DNER: variants seen among roughly 807,000 people sequenced by gnomAD.
DNER encodes delta and Notch-like epidermal growth factor-related receptor.
Under a neutral mutation model 78.2 loss-of-function variants are expected in DNER, and 33 were observed. The observed-to-expected ratio is 0.42, with a 90% CI of 0.32 to 0.56. The LOEUF (loss-of-function observed/expected upper bound fraction) is 0.56. Among genes scored for constraint, DNER ranks in the 20% least tolerant of loss-of-function variants. The probability of loss-of-function intolerance (pLI) is 0.11; values close to 1 mark genes in which losing one functional copy is unlikely to be tolerated. For missense variants in DNER, 918 were observed against 975.3 expected (o/e 0.94, Z 0.78); for synonymous variants, 417 against 384.8 (o/e 1.08, Z -0.98).
In DNER at chr2:229,433,142, G is replaced by A. The variant is rs13394098; in HGVS notation, c.1486+14174C>T. On this transcript the variant is annotated intron_variant, in intron 8 of 12. Transcript: ENST00000341772. ...TTTAGGAGAGACAGGGTTTCACCAT[G>A]TTGGTCAGGCTGGTCTCGAACTCCT... Among the ~76,000 whole-genome samples, 349 of 152,296 alleles carry A rather than the reference G, an allele frequency of 2.3e-3. 2 individuals carry two copies. The highest frequency in any genetic ancestry group is 6.6e-3 in the South Asian group (32 of 4,824).
chr2:229,639,132 G>C (rs1378609519), intron 1 of DNER, among the ~76,000 whole-genome samples: 1 of 152,170 alleles, frequency 6.6e-6, no homozygotes, highest in Non-Finnish European at 1.5e-5. Context: ...ATACCATGTG[G>C]ACTCAAAGAA....
Position 229,493,115 on chromosome 2 carries a change from A to C in DNER, c.1148-15862T>G, listed in dbSNP as rs148887904. Among the ~76,000 whole-genome samples, 918 of 152,312 alleles carry C rather than the reference A, an allele frequency of 6.0e-3. 6 individuals carry two copies. The highest frequency in any genetic ancestry group is 0.011 in the Non-Finnish European group (748 of 68,034). ...TGACCCATTTCAAACCAACAACGCA[A>C]AGGCACTGACACTTAGTCAGTGTGC... On this transcript the variant is annotated intron_variant, in intron 6 of 12. Coordinates refer to ENST00000341772, the MANE Select transcript of DNER (RefSeq NM_139072.4).
In DNER at chr2:229,714,240, G is replaced by C; in HGVS notation, c.184C>G (p.Arg62Gly). The C allele has an allele frequency of 1.4e-6, 2 of 1,418,158 alleles. No homozygotes were observed. The highest frequency in any genetic ancestry group is 5.6e-5 in the Admixed American group (2 of 35,774). 87.8% of individuals were successfully genotyped at this position (1,418,158 alleles called of 1,614,324 possible). A position where few individuals can be genotyped will look rare whatever the true frequency, so the allele number is the denominator to read the frequency against. The change falls in exon 1 of 13, where the codon CGC (arginine) becomes GGC (glycine). Residue 62 changes from arginine to glycine, a missense_variant. Coordinates refer to ENST00000341772, the MANE Select transcript of DNER (RefSeq NM_139072.4). ...GGGTGCTGCGGGTCCGGCTCAGGGC[G>C]CGAGGTGCACACACCCCCATTCCGG... ...PCRNGGVCTS[R>G]PEPDPQHPAP...
chr2:229,550,054 A>G (rs1006711562), intron 4 of DNER, among the ~76,000 whole-genome samples: 2 of 151,818 alleles, frequency 1.3e-5, no homozygotes, highest in Non-Finnish European at 2.9e-5. Context: ...CTGCAGCGGC[A>G]TAATCTTGGT....
chr2:229,464,154 C>CA (rs1694756842), intron 7 of DNER, among the ~76,000 whole-genome samples: 1 of 152,098 alleles, frequency 6.6e-6, no homozygotes, highest in African/African-American at 2.4e-5. Context: ...GGGTTTTGGC[C>CA]AGTGTGTATG....
chr2:229,682,929 A>G (rs1020556180), intron 1 of DNER, among the ~76,000 whole-genome samples: 1 of 152,228 alleles, frequency 6.6e-6, no homozygotes, highest in Non-Finnish European at 1.5e-5. Flanking sequence ...GTTATCAGCA[A>G]GGGTTATTGC....
At chr2:229,627,852 T>C (rs1559187732) in intron 1 of DNER, among the ~76,000 whole-genome samples, 1 of 152,222 alleles carries the variant, frequency 6.6e-6, no homozygotes. Flanking sequence ...AAATTGCATC[T>C]ATAGCCCCAG....
At chr2:229,402,393 A>T (rs557944933) in intron 10 of DNER, among the ~76,000 whole-genome samples, 2 of 152,364 alleles carry the variant, frequency 1.3e-5, no homozygotes, top group South Asian at 4.1e-4. Context: ...AAAGATGCTG[A>T]GCATCAAAGA....
At chr2:229,458,666 C>A (rs1038267940) in intron 7 of DNER, among the ~76,000 whole-genome samples, 2 of 151,458 alleles carry the variant, frequency 1.3e-5, no homozygotes, top group African/African-American at 2.4e-5. Flanking sequence ...TGGCTAATAT[C>A]ATACTCAATG....
intron 8 of DNER, among the ~76,000 whole-genome samples, chr2:229,421,503 A>G (rs1255926418): frequency 6.7e-6 from 1 of 150,092 alleles, no homozygotes; most frequent in Non-Finnish European, 1.5e-5. Flanking sequence ...ACAGATATAT[A>G]TTTTACCACT....
At position 229,366,858 on chromosome 2, in the gene DNER, G is replaced by A. The variant is rs373612462; in HGVS notation, c.2102+15C>T. The A allele has an allele frequency of 2.4e-4, 394 of 1,613,614 alleles. No homozygotes were observed. Among genetic ancestry groups the A allele is most frequent in the South Asian group, 9.2e-4 (84 of 91,040 alleles). On this transcript the variant is annotated intron_variant, in intron 12 of 12. Transcript: ENST00000341772. ...ATGTGAAGGCAGCATTCCCCACGCC[G>A]CCCCCACAGCCAACCTGGCATGCCG...
At chr2:229,434,519 C>T (rs2106356677) in intron 8 of DNER, among the ~76,000 whole-genome samples, 1 of 152,260 alleles carries the variant, frequency 6.6e-6, no homozygotes, top group East Asian at 1.9e-4. Context: ...TCAGAAATGA[C>T]AACTCAATTA....
chr2:229,411,321 C>A (rs1693513708), intron 9 of DNER, among the ~76,000 whole-genome samples: 1 of 152,138 alleles, frequency 6.6e-6, no homozygotes, highest in Non-Finnish European at 1.5e-5. Context: ...CTTTGGGAGG[C>A]CAACGCGGGC....
intron 6 of DNER, among the ~76,000 whole-genome samples, chr2:229,477,726 G>C: frequency 6.6e-6 from 1 of 152,170 alleles, no homozygotes; most frequent in Non-Finnish European, 1.5e-5. Flanking sequence ...TTTAGAGCTA[G>C]AATAACCCAC....
intron 5 of DNER, among the ~76,000 whole-genome samples, chr2:229,534,152 C>G (rs1696359842): frequency 6.6e-6 from 1 of 152,050 alleles, no homozygotes; most frequent in African/African-American, 2.4e-5. Context: ...TGTAATGAAA[C>G]AGACCAATAG....
At chr2:229,403,902 C>G (rs1463822006) in intron 10 of DNER, among the ~76,000 whole-genome samples, 1 of 152,134 alleles carries the variant, frequency 6.6e-6, no homozygotes, top group Non-Finnish European at 1.5e-5. Flanking sequence ...CCAGACCACT[C>G]AGGTCTTAAA....
intron 7 of DNER, among the ~76,000 whole-genome samples, chr2:229,450,048 G>A (rs1343233066): frequency 6.6e-6 from 1 of 152,154 alleles, no homozygotes; most frequent in East Asian, 1.9e-4. Flanking sequence ...CCAAAGTGCT[G>A]GGATTATAGG....
At chr2:229,508,177 G>A (rs750967208) in intron 6 of DNER, among the ~76,000 whole-genome samples, 4 of 152,194 alleles carry the variant, frequency 2.6e-5, no homozygotes, top group Non-Finnish European at 4.4e-5. Flanking sequence ...ACCAAATGCT[G>A]AAGAAGATGT....
At chr2:229,700,848 G>A (rs1158634203) in intron 1 of DNER, among the ~76,000 whole-genome samples, 1 of 149,868 alleles carries the variant, frequency 6.7e-6, no homozygotes, top group Non-Finnish European at 1.5e-5. Flanking sequence ...CTGAACCCAG[G>A]AGCCACTGCA....
Sources: allele counts gnomAD v4.1 joint callset (sites outside exome capture counted in the v4.1 genomes callset), GRCh38; gene constraint gnomAD v4.1.1; transcripts MANE v1.5; gene names NCBI Gene and HGNC (gene_info 2026-07-23, HGNC 2026-07-21).